The following VIL1 variants were observed in gnomAD, a reference collection of about 807,000 sequenced individuals.
The protein encoded by VIL1 is villin 1.
VIL1 carries 86 observed loss-of-function variants against 104.0 expected under a neutral mutation model. The observed-to-expected ratio is 0.83, with a 90% CI of 0.69 to 0.99. The LOEUF is 0.99. Ranked by LOEUF, VIL1 falls within the 50% of genes least tolerant of loss-of-function variation. The pLI is 0.00. For synonymous variants in VIL1, 394 were observed against 412.6 expected, an observed-to-expected ratio of 0.95 and a Z score of 0.55; for missense variants, 944 against 1,054.1, an observed-to-expected ratio of 0.90 and a Z score of 1.45.
rs1208467317 is a variant in VIL1 at position 218,434,705 on chromosome 2, G to A, written c.1680G>A (p.Lys560=). The change falls in exon 14 of 20, where the codon AAG becomes AAA. Residue 560 remains lysine, a splice_region_variant and synonymous_variant. Coordinates refer to ENST00000248444, the MANE Select transcript of VIL1 (RefSeq NM_007127.3). ...CTTGCTGCTATCTATGGTGTGGGAA[G>A]GTGTGTTCAGGGTCTAGAGGCCTCC... ...TQSCCYLWCG[K]GCSGDEREMA... 1 of 1,611,580 alleles carries A rather than the reference G, an allele frequency of 6.2e-7. No individual in the cohort carries two copies. Among genetic ancestry groups the A allele is most frequent in the African/African-American group, 1.3e-5 (1 of 75,000 alleles).
At chr2:218,426,812 C>G (rs1007460924) in intron 4 of VIL1, among the ~76,000 whole-genome samples, 3 of 151,732 alleles carry the variant, frequency 2.0e-5, no homozygotes, top group Non-Finnish European at 4.4e-5. Context: ...CCGTGTTAGC[C>G]AGGATGGTCT....
intron 12 of VIL1, among the ~76,000 whole-genome samples, 162 bp downstream of exon 12, chr2:218,432,345 C>T (rs1689114481): frequency 6.6e-6 from 1 of 152,186 alleles, no homozygotes; most frequent in Non-Finnish European, 1.5e-5. Context: ...CTAGTACCCC[C>T]ATTCACAGCC....
At chr2:218,445,863 G>C (rs933920671) in intron 19 of VIL1, among the ~76,000 whole-genome samples, 1 of 152,114 alleles carries the variant, frequency 6.6e-6, no homozygotes, top group Non-Finnish European at 1.5e-5. Context: ...TGGGAACAAA[G>C]GTCATTTCAG....
Position 218,432,964 on chromosome 2 carries a change from A to T in VIL1, c.1500+13A>T. 2 of 1,614,002 alleles carry T rather than the reference A, an allele frequency of 1.2e-6. No individual in the cohort carries two copies. The highest frequency in any genetic ancestry group is 2.2e-5 in the South Asian group (2 of 91,076). On this transcript the variant is annotated intron_variant, in intron 13 of 19. Transcript: ENST00000248444. ...GGTGGTCTACCAGGTGTGGCTGCTG[A>T]ACTGAGGTGTCTGGCAGTAACCACT...
At chr2:218,426,281 G>A (rs1295991022) in intron 4 of VIL1, among the ~76,000 whole-genome samples, 1 of 151,654 alleles carries the variant, frequency 6.6e-6, no homozygotes, top group Non-Finnish European at 1.5e-5. Context: ...TTGAGATGGA[G>A]TCTTGCTTTG....
At position 218,428,019 on chromosome 2, in the gene VIL1, T is replaced by C. The variant is rs1574813242; in HGVS notation, c.402T>C (p.Tyr134=). 6.2e-7 allele frequency: 1 copy of C among 1,614,150 alleles called. No homozygotes were observed. The highest frequency in any genetic ancestry group is 8.5e-7 in the Non-Finnish European group (1 of 1,180,018). The change falls in exon 5 of 20, where the codon TAT becomes TAC. Residue 134 remains tyrosine, a synonymous_variant. Transcript: ENST00000248444. ...SGMKHVETNS[Y]DVQRLLHVKG... The stretch of plus-strand genomic sequence containing the variant: ...TGAAGCACGTGGAGACCAACTCCTA[T>C]GACGTCCAGAGGCTGCTGCATGTCA...
chr2:218,424,554 C>G (rs1028298107), intron 3 of VIL1, among the ~76,000 whole-genome samples: 3 of 152,226 alleles, frequency 2.0e-5, no homozygotes, highest in Non-Finnish European at 4.4e-5. Flanking sequence ...GAGCTCCCAG[C>G]TGAGGTCAAC....
intron 4 of VIL1, 148 bp downstream of exon 4, chr2:218,425,959 A>G: frequency 1.2e-6 from 1 of 819,706 alleles, no homozygotes; most frequent in Non-Finnish European, 1.8e-6. Flanking sequence ...GGGGCGGGGA[A>G]GGGACCCTGA....
Position 218,432,143 on chromosome 2 carries a change from T to G in VIL1, c.1301T>G (p.Leu434Arg). The G allele has an allele frequency of 1.2e-6, 2 of 1,613,974 alleles. No homozygotes were observed. The highest frequency in any genetic ancestry group is 1.7e-6 in the Non-Finnish European group (2 of 1,179,970). The change falls in exon 12 of 20, where the codon CTC (leucine) becomes CGC (arginine). Residue 434 changes from leucine to arginine, a missense_variant. By Grantham distance (102) the Leu-to-Arg change is moderately radical (BLOSUM62 -2). Coordinates refer to ENST00000248444, the MANE Select transcript of VIL1 (RefSeq NM_007127.3). ...TGCTACCTGCTGCTCTACACCTACC[T>G]CATCGGCGAGAAGCAGCATTACCTG... is the stretch of plus-strand genomic sequence containing the variant. ...GDCYLLLYTYLIGEKQHYLLY... is the reference protein window; with the variant it reads ...GDCYLLLYTYRIGEKQHYLLY...
intron 19 of VIL1, among the ~76,000 whole-genome samples, chr2:218,444,469 G>A (rs1215261191): frequency 5.3e-5 from 8 of 151,878 alleles, no homozygotes; most frequent in South Asian, 2.1e-4. Flanking sequence ...TAGTAGAGAC[G>A]GGGTTTCACT....
chr2:218,444,049 T>A (rs1175402680), intron 19 of VIL1, among the ~76,000 whole-genome samples: 1 of 152,156 alleles, frequency 6.6e-6, no homozygotes, highest in Non-Finnish European at 1.5e-5. Context: ...CACTGCAACC[T>A]CCACCTCCCT....
At position 218,432,775 on chromosome 2, in the gene VIL1, C is replaced by G. The variant is rs1016566880; in HGVS notation, c.1342-18C>G. The G allele has an allele frequency of 4.3e-6, 7 of 1,613,722 alleles. No homozygotes were observed. The Admixed American group carries it at 5.0e-5, about 12-fold the overall frequency. Reference sequence around the variant, plus strand: ...GGGGCTGACCCAATCCCACTCACTCCCTCCTGCTCATCCCCAGGGCAGCCA... The same window carrying G: ...GGGGCTGACCCAATCCCACTCACTCGCTCCTGCTCATCCCCAGGGCAGCCA... On this transcript the variant is annotated intron_variant, in intron 12 of 19. Transcript: ENST00000248444.
chr2:218,419,513 C>T (rs551057865), intron 1 of VIL1, among the ~76,000 whole-genome samples: 1 of 152,284 alleles, frequency 6.6e-6, no homozygotes, highest in Admixed American at 6.5e-5. Flanking sequence ...GTCTCCCTGA[C>T]CTCACTCCCC....
At chr2:218,446,337 C>A (rs1218765919) in intron 19 of VIL1, among the ~76,000 whole-genome samples, 1 of 152,152 alleles carries the variant, frequency 6.6e-6, no homozygotes, top group Non-Finnish European at 1.5e-5. Flanking sequence ...CAGGTTCAAG[C>A]TATTCTCCTG....
chr2:218,445,706 C>T (rs1405979806), intron 19 of VIL1, among the ~76,000 whole-genome samples: 2 of 152,144 alleles, frequency 1.3e-5, no homozygotes, highest in African/African-American at 4.8e-5. Context: ...GGTCTCACCT[C>T]TACCCTGTCT....
chr2:218,437,379 G>A (rs187647315), intron 17 of VIL1, 67 bp downstream of exon 17: 1 of 1,557,678 alleles, frequency 6.4e-7, no homozygotes, highest in Non-Finnish European at 8.7e-7. Flanking sequence ...ATTCCTGCAG[G>A]CCATTCTGTC....
intron 19 of VIL1, among the ~76,000 whole-genome samples, chr2:218,446,617 G>C (rs1689366970): frequency 6.6e-6 from 1 of 152,292 alleles, no homozygotes; most frequent in Non-Finnish European, 1.5e-5. Context: ...GTGGCCAACT[G>C]CAAGTGTTAA....
In VIL1 at chr2:218,432,193, C is replaced by CG; in HGVS notation, c.1341+11dup. On this transcript the variant is annotated intron_variant, in intron 12 of 19. Coordinates refer to ENST00000248444, the MANE Select transcript of VIL1 (RefSeq NM_007127.3). ...GCTCTACGTTTGGCAGGTCAGGTCCCGCCACGTCCCACCCAGAGCACAGCC... is the reference window on the plus strand; with the variant it reads ...GCTCTACGTTTGGCAGGTCAGGTCCCGGCCACGTCCCACCCAGAGCACAGCC... 6.2e-7 allele frequency: 1 copy of CG among 1,609,676 alleles called. No homozygotes were observed. Among genetic ancestry groups the CG allele is most frequent in the East Asian group, 2.2e-5 (1 of 44,860 alleles).
intron 13 of VIL1, 36 bp downstream of exon 13, chr2:218,432,987 A>G (rs760004160): frequency 1.2e-6 from 2 of 1,612,392 alleles, no homozygotes; most frequent in Non-Finnish European, 1.7e-6. Context: ...GGCAGTAACC[A>G]CTGTGGCAAG....
Sources: allele counts gnomAD v4.1 joint callset (sites outside exome capture counted in the v4.1 genomes callset), GRCh38; gene constraint gnomAD v4.1.1; transcripts MANE v1.5; gene names NCBI Gene and HGNC (gene_info 2026-07-23, HGNC 2026-07-21).